Variants in HMCN1 observed in about 807,000 individuals in gnomAD.
The protein encoded by HMCN1 is hemicentin 1.
Under a neutral mutation model 625.9 loss-of-function variants are expected in HMCN1, and 321 were observed. The observed-to-expected ratio is 0.51, with a 90% confidence interval of 0.47 to 0.56. The LOEUF is 0.56. Ranked by LOEUF, HMCN1 falls within the 20% of genes least tolerant of loss-of-function variation. The pLI is 0.00. For missense variants in HMCN1, 6,588 were observed against 6,887.3 expected (o/e 0.96, Z 1.54); for synonymous variants, 2,425 against 2,417.6 (o/e 1.00, Z -0.09).
At chr1:185,999,217 T>C (rs1653009498) in intron 25 of HMCN1, among the ~76,000 whole-genome samples, 1 of 151,996 alleles carries the variant, frequency 6.6e-6, no homozygotes, top group African/African-American at 2.4e-5. Flanking sequence ...TATGTAATCA[T>C]GTAATTTTTA....
chr1:185,927,991 A>T (rs1667360969), intron 9 of HMCN1, among the ~76,000 whole-genome samples: 1 of 152,126 alleles, frequency 6.6e-6, no homozygotes, highest in Non-Finnish European at 1.5e-5. Context: ...AACCTACATG[A>T]TAGAGTTTAA....
chr1:186,094,429 AC>A (rs1265412676), intron 67 of HMCN1, 56 bp downstream of exon 67: 1 of 1,310,716 alleles, frequency 7.6e-7, no homozygotes, highest in Non-Finnish European at 1.1e-6. Flanking sequence ...TAAGCAACAG[AC>A]TTATCTTTAG....
At chr1:186,018,849 T>G (rs985866535) in intron 34 of HMCN1, among the ~76,000 whole-genome samples, 2 of 152,012 alleles carry the variant, frequency 1.3e-5, no homozygotes, top group Admixed American at 6.6e-5. Context: ...ATTAGGATTA[T>G]AACCATTACT....
Position 186,007,143 on chromosome 1 carries a change from C to T in HMCN1, c.4491C>T (p.Gly1497=), listed in dbSNP as rs765448156. Residue 1497 remains glycine, a synonymous_variant, in exon 30 of 107, where the codon GGC becomes GGT. Coordinates refer to ENST00000271588, the MANE Select transcript of HMCN1 (RefSeq NM_031935.3). ...WFKDGKPLFL[G]DPNVELLDRG... Reference sequence around the variant, plus strand: ...TTTTTTCTAGGCCTTTATTTTTGGGCGATCCTAATGTTGAACTTCTAGACA... The same window carrying T: ...TTTTTTCTAGGCCTTTATTTTTGGGTGATCCTAATGTTGAACTTCTAGACA... The T allele has an allele frequency of 2.9e-5, 47 of 1,612,012 alleles. No individual in the cohort carries two copies. The highest frequency in any genetic ancestry group is 3.8e-5 in the Non-Finnish European group (45 of 1,178,340).
chr1:186,063,271 A>C (rs1657871612), intron 48 of HMCN1, among the ~76,000 whole-genome samples: 1 of 151,264 alleles, frequency 6.6e-6, no homozygotes. Flanking sequence ...AGTTGAGGAA[A>C]AGTTCAGCTA....
intron 36 of HMCN1, among the ~76,000 whole-genome samples, chr1:186,023,638 A>AC: frequency 6.6e-6 from 1 of 152,320 alleles, no homozygotes; most frequent in Admixed American, 6.5e-5. Context: ...AACTTGAAAG[A>AC]CTACATAACC....
Position 186,078,181 on chromosome 1 carries a change from G to T in HMCN1, c.8560G>T (p.Ala2854Ser), listed in dbSNP as rs1218573345. ...ATACACATGTGTGGCTGTGAATGAG[G>T]CTGGAGAAGATTCCCTTCAATATGA... is the stretch of plus-strand genomic sequence containing the variant. Reference protein sequence around the residue: ...GRYTCVAVNEAGEDSLQYDVR... With the variant: ...GRYTCVAVNESGEDSLQYDVR... Residue 2854 changes from alanine to serine, a missense_variant, in exon 55 of 107, where the codon GCT becomes TCT. Ala to Ser is a moderately conservative substitution (Grantham distance 99, BLOSUM62 1). Around this residue, in one of 3 missense-constraint regions of HMCN1, gnomAD observed 4,628 missense variants for 4,853.1 expected, o/e 0.95. Coordinates refer to ENST00000271588, the MANE Select transcript of HMCN1 (RefSeq NM_031935.3). 1 of 1,613,560 alleles carries T rather than the reference G, an allele frequency of 6.2e-7. No individual in the cohort carries two copies. The highest frequency in any genetic ancestry group is 8.5e-7 in the Non-Finnish European group (1 of 1,179,770).
Position 185,846,079 on chromosome 1 carries a change from A to G in HMCN1, c.322A>G (p.Arg108Gly). The G allele has an allele frequency of 6.2e-7, 1 of 1,611,290 alleles. No homozygotes were observed. The highest frequency in any genetic ancestry group is 8.5e-7 in the Non-Finnish European group (1 of 1,177,606). ...TCCCAAGAAATTTCAATATGAACTC[A>G]GAGAACTGTATGTTCAGGTGAGTGC... Reference protein sequence around the residue: ...TDPKKFQYELRELYVQGGGDC... With the variant: ...TDPKKFQYELGELYVQGGGDC... Residue 108 changes from arginine (R) to glycine (G), a missense_variant, in exon 2 of 107, where the codon AGA becomes GGA. Arg to Gly is a moderately radical substitution (Grantham distance 125). Coordinates refer to ENST00000271588, the MANE Select transcript of HMCN1 (RefSeq NM_031935.3).
chr1:185,989,445 A>G, intron 20 of HMCN1, 43 bp from the exon 21 acceptor site: 1 of 1,609,898 alleles, frequency 6.2e-7, no homozygotes. Context: ...CTTGAAACAA[A>G]CAAACAAACA....
chr1:185,994,265 A>T (rs1558126078), intron 23 of HMCN1, among the ~76,000 whole-genome samples: 1 of 152,126 alleles, frequency 6.6e-6, no homozygotes, highest in Non-Finnish European at 1.5e-5. Flanking sequence ...AAACTACTGC[A>T]TTTAAATTTC....
chr1:185,957,784 A>G (rs866662047), intron 11 of HMCN1, among the ~76,000 whole-genome samples: 31 of 152,198 alleles, frequency 2.0e-4, no homozygotes, highest in African/African-American at 6.8e-4. Context: ...ACCAGAGAGA[A>G]TATTGCAACA....
At chr1:186,170,698 A>G (rs1161184971) in intron 100 of HMCN1, among the ~76,000 whole-genome samples, 2 of 152,074 alleles carry the variant, frequency 1.3e-5, no homozygotes, top group Non-Finnish European at 2.9e-5. Flanking sequence ...TCAGTGAGAG[A>G]AGAGGGCTTT....
chr1:185,915,072 A>G (rs900103364), intron 6 of HMCN1, among the ~76,000 whole-genome samples: 3 of 152,008 alleles, frequency 2.0e-5, no homozygotes, highest in Non-Finnish European at 4.4e-5. Context: ...TTTTTCTGGT[A>G]AGTACTTTAC....
chr1:185,902,405 C>CTCTG (rs1553256293), intron 4 of HMCN1, among the ~76,000 whole-genome samples: 290 of 145,456 alleles, frequency 2.0e-3, no homozygotes, highest in African/African-American at 7.3e-3. Context: ...ATCTATCTAT[C>CTCTG]TCTATCTATC....
At chr1:185,983,572 A>G (rs1226781794) in intron 18 of HMCN1, among the ~76,000 whole-genome samples, 1 of 152,250 alleles carries the variant, frequency 6.6e-6, no homozygotes, top group Non-Finnish European at 1.5e-5. Flanking sequence ...GTATTTGAGC[A>G]CACAAGTATC....
At chr1:186,045,591 A>ATAT in intron 40 of HMCN1, 97 bp from the exon 41 acceptor site, 2 of 930,428 alleles carry the variant, frequency 2.1e-6, no homozygotes, top group Non-Finnish European at 3.5e-6. Context: ...TCTTTAAAAG[A>ATAT]ACCAATAAAG....
intron 11 of HMCN1, among the ~76,000 whole-genome samples, chr1:185,941,828 A>G (rs971147525): frequency 6.6e-6 from 1 of 152,216 alleles, no homozygotes; most frequent in African/African-American, 2.4e-5. Context: ...CTTAAAGAAA[A>G]GAAATATTAA....
At chr1:185,926,457 A>G (rs373106779) in intron 9 of HMCN1, among the ~76,000 whole-genome samples, 1 of 152,250 alleles carries the variant, frequency 6.6e-6, no homozygotes, top group African/African-American at 2.4e-5. Flanking sequence ...ATGAAGCTAC[A>G]TAACTAGCTG....
intron 98 of HMCN1, among the ~76,000 whole-genome samples, chr1:186,165,473 C>T (rs760800708): frequency 3.3e-5 from 5 of 152,194 alleles, no homozygotes; most frequent in Admixed American, 6.5e-5. Flanking sequence ...AGTGAGCAGA[C>T]AGACAATGCT....
Sources: allele counts gnomAD v4.1 joint callset (sites outside exome capture counted in the v4.1 genomes callset), GRCh38; gene constraint gnomAD v4.1.1; regional missense constraint gnomAD v4.1.1; transcripts MANE v1.5; gene names NCBI Gene and HGNC (gene_info 2026-07-23, HGNC 2026-07-21).